Variants in SMOC2 observed in about 807,000 individuals in gnomAD.
The protein encoded by SMOC2 is SPARC-related modular calcium-binding protein 2.
Under a neutral mutation model 61.4 loss-of-function variants are expected in SMOC2, and 39 were observed. The observed-to-expected ratio is 0.64, with a 90% CI of 0.49 to 0.83. SMOC2 has a LOEUF of 0.83. SMOC2 is among the 40% of genes least tolerant of loss of function. The pLI is 0.00. For synonymous variants in SMOC2, 247 were observed against 239.9 expected, an observed-to-expected ratio of 1.03 and a Z score of -0.27; for missense variants, 556 against 592.9, an observed-to-expected ratio of 0.94 and a Z score of 0.65.
At chr6:168,536,059 C>A (rs1037816192) in intron 4 of SMOC2, among the ~76,000 whole-genome samples, 1 of 152,220 alleles carries the variant, frequency 6.6e-6, no homozygotes, top group Non-Finnish European at 1.5e-5. Context: ...CAGGCTGTGC[C>A]GGCTCCTGGA....
At chr6:168,536,626 G>T (rs1783739167) in intron 4 of SMOC2, among the ~76,000 whole-genome samples, 2 of 152,134 alleles carry the variant, frequency 1.3e-5, no homozygotes, top group African/African-American at 4.8e-5. Flanking sequence ...TTCCTCCTGT[G>T]CAAATTGCTT....
At chr6:168,455,834 G>T (rs1401600038) in intron 1 of SMOC2, among the ~76,000 whole-genome samples, 2 of 152,214 alleles carry the variant, frequency 1.3e-5, no homozygotes, top group South Asian at 2.1e-4. Context: ...GGAGAAAATT[G>T]CAAGTGGCAG....
At chr6:168,441,992 G>A (rs1351007494) in intron 1 of SMOC2, among the ~76,000 whole-genome samples, 3 of 152,228 alleles carry the variant, frequency 2.0e-5, no homozygotes, top group African/African-American at 4.8e-5. Context: ...CTCGTGCGCC[G>A]CGCGGATCCC....
At chr6:168,467,522 A>T (rs1380371726) in intron 1 of SMOC2, among the ~76,000 whole-genome samples, 2 of 151,980 alleles carry the variant, frequency 1.3e-5, no homozygotes, top group Admixed American at 1.3e-4. Context: ...GTTAGCCAAG[A>T]TGGTCTCTAT....
intron 2 of SMOC2, among the ~76,000 whole-genome samples, chr6:168,515,337 A>G (rs1472856692): frequency 2.0e-5 from 3 of 152,234 alleles, no homozygotes; most frequent in Non-Finnish European, 4.4e-5. Flanking sequence ...AAACGTTACA[A>G]TCAGTCTGCG....
intron 11 of SMOC2, 106 bp downstream of exon 11, chr6:168,653,334 G>A (rs2115276958): frequency 2.9e-6 from 4 of 1,358,956 alleles, no homozygotes; most frequent in African/African-American, 1.5e-5. Context: ...GCCTGGGAGT[G>A]CAAAAAATCA....
chr6:168,633,513 A>G (rs1786626320), intron 9 of SMOC2, among the ~76,000 whole-genome samples: 1 of 152,212 alleles, frequency 6.6e-6, no homozygotes, highest in South Asian at 2.1e-4. Context: ...AACTATTGTA[A>G]AGAAAGAGGA....
chr6:168,612,971 C>T (rs74333204), intron 9 of SMOC2, among the ~76,000 whole-genome samples: 6,968 of 152,228 alleles, frequency 0.046, 399 homozygotes, highest in Admixed American at 0.17. Flanking sequence ...GCAGGGTTTC[C>T]TCTCACCTTT....
chr6:168,630,090 G>A (rs535055969), intron 9 of SMOC2, among the ~76,000 whole-genome samples: 18 of 152,060 alleles, frequency 1.2e-4, no homozygotes, highest in African/African-American at 2.4e-4. Context: ...TGGTTGCAGC[G>A]TCTCGTTCAT....
At chr6:168,656,912 C>T (rs1039206891) in intron 11 of SMOC2, among the ~76,000 whole-genome samples, 4 of 152,236 alleles carry the variant, frequency 2.6e-5, no homozygotes, top group Admixed American at 1.3e-4. Flanking sequence ...TCCCTTCGCT[C>T]TGTATGCAGG....
intron 9 of SMOC2, among the ~76,000 whole-genome samples, chr6:168,631,816 G>A (rs529569990): frequency 6.6e-6 from 1 of 152,316 alleles, no homozygotes; most frequent in Admixed American, 6.5e-5. Flanking sequence ...GTGTCCAGGT[G>A]AGAAGGTGCA....
At chr6:168,587,399 C>T (rs1785069088) in intron 7 of SMOC2, among the ~76,000 whole-genome samples, 1 of 152,306 alleles carries the variant, frequency 6.6e-6, no homozygotes, top group African/African-American at 2.4e-5. Flanking sequence ...CCTAACGACG[C>T]GTGCCCAAGG....
chr6:168,579,185 G>C (rs1440604270), intron 7 of SMOC2, among the ~76,000 whole-genome samples: 1 of 152,216 alleles, frequency 6.6e-6, no homozygotes, highest in Non-Finnish European at 1.5e-5. Context: ...GGTGGGCAGT[G>C]GCATTGGGTT....
At position 168,480,892 on chromosome 6, in the gene SMOC2, A is replaced by G. The variant is rs9295063; in HGVS notation, c.85-29023A>G. Among the ~76,000 whole-genome samples the G allele has an allele frequency of 4.2e-3, 646 of 152,330 alleles. 7 individuals carry two copies. Among genetic ancestry groups the G allele is most frequent in the African/African-American group, 0.015 (605 of 41,590 alleles). ...TTTTTCCTCAGAAACTTTGGAGGCC[A>G]GAAAGCGGTGGGCAGATAAATTCAG... On this transcript the variant is annotated intron_variant, in intron 1 of 12. Coordinates refer to ENST00000356284, the MANE Select transcript of SMOC2 (RefSeq NM_001166412.2).
intron 2 of SMOC2, among the ~76,000 whole-genome samples, chr6:168,518,139 G>A (rs1238017811): frequency 6.6e-6 from 1 of 152,234 alleles, no homozygotes; most frequent in African/African-American, 2.4e-5. Context: ...GGAAGCGGGA[G>A]TCGCGACGTC....
chr6:168,455,680 T>G (rs1034450602), intron 1 of SMOC2, among the ~76,000 whole-genome samples: 1 of 152,220 alleles, frequency 6.6e-6, no homozygotes, highest in Admixed American at 6.5e-5. Flanking sequence ...TCACTCAAAA[T>G]TACTGATGTT....
intron 1 of SMOC2, among the ~76,000 whole-genome samples, chr6:168,488,120 G>C: frequency 6.6e-6 from 1 of 152,204 alleles, no homozygotes; most frequent in South Asian, 2.1e-4. Context: ...AGAAACTTAT[G>C]CTTTCCCAGT....
chr6:168,471,463 C>T (rs1286857003), intron 1 of SMOC2, among the ~76,000 whole-genome samples: 1 of 152,180 alleles, frequency 6.6e-6, no homozygotes, highest in Non-Finnish European at 1.5e-5. Context: ...TATGCATACA[C>T]CACCTTTAGC....
chr6:168,628,814 G>A (rs572426635), intron 9 of SMOC2, among the ~76,000 whole-genome samples: 1 of 152,218 alleles, frequency 6.6e-6, no homozygotes, highest in Admixed American at 6.5e-5. Flanking sequence ...TTTGAGCGTG[G>A]TGCCCCGCCG....
Sources: allele counts gnomAD v4.1 joint callset (sites outside exome capture counted in the v4.1 genomes callset), GRCh38; gene constraint gnomAD v4.1.1; transcripts MANE v1.5; gene names NCBI Gene and HGNC (gene_info 2026-07-23, HGNC 2026-07-21).